Variants in ANAPC10 observed in about 807,000 individuals in gnomAD.
ANAPC10 encodes anaphase promoting complex subunit 10.
Under a neutral mutation model 22.0 loss-of-function variants are expected in ANAPC10, and 12 were observed. The observed-to-expected ratio is 0.55, with a 90% CI of 0.35 to 0.88. The LOEUF (loss-of-function observed/expected upper bound fraction) is 0.88. Ranked by LOEUF, ANAPC10 falls within the 40% of genes least tolerant of loss-of-function variation. The probability of loss-of-function intolerance (pLI) is 0.01; values close to 1 mark genes in which losing one functional copy is unlikely to be tolerated. For missense variants in ANAPC10, 188 were observed against 220.9 expected (o/e 0.85, Z 0.94); for synonymous variants, 65 against 69.5 (o/e 0.94, Z 0.32).
intron 4 of ANAPC10, among the ~76,000 whole-genome samples, chr4:144,999,070 A>C (rs928576762): frequency 6.6e-6 from 1 of 152,220 alleles, no homozygotes; most frequent in Non-Finnish European, 1.5e-5. Flanking sequence ...AGCCAGGAAG[A>C]AGTTGAATCC....
intron 4 of ANAPC10, among the ~76,000 whole-genome samples, chr4:145,034,530 T>C (rs1010349401): frequency 5.8e-5 from 8 of 137,698 alleles, no homozygotes; most frequent in Non-Finnish European, 1.1e-4. Flanking sequence ...CCTTTATATA[T>C]ATATATATAT....
At chr4:145,076,339 T>C (rs1356925035) in intron 3 of ANAPC10, among the ~76,000 whole-genome samples, 1 of 152,166 alleles carries the variant, frequency 6.6e-6, no homozygotes, top group Non-Finnish European at 1.5e-5. Context: ...GAGCTGAGCC[T>C]TGGTACCCTG....
At chr4:145,039,740 A>T (rs1453667384) in intron 4 of ANAPC10, among the ~76,000 whole-genome samples, 1 of 151,948 alleles carries the variant, frequency 6.6e-6, no homozygotes, top group African/African-American at 2.4e-5. Context: ...GACTACAGGC[A>T]CGCACCACCA....
chr4:145,073,256 G>C (rs1238713860), intron 3 of ANAPC10, among the ~76,000 whole-genome samples: 4 of 152,048 alleles, frequency 2.6e-5, no homozygotes, highest in African/African-American at 9.7e-5. Flanking sequence ...TAAAAATAAG[G>C]GGAAAATGCA....
intron 2 of ANAPC10, among the ~76,000 whole-genome samples, chr4:145,089,948 A>G (rs937909559): frequency 6.6e-6 from 1 of 152,148 alleles, no homozygotes; most frequent in African/African-American, 2.4e-5. Flanking sequence ...TTATCTATAC[A>G]GTAAAGTATG....
chr4:145,096,424 A>G (rs1748531493), intron 1 of ANAPC10, among the ~76,000 whole-genome samples: 1 of 152,106 alleles, frequency 6.6e-6, no homozygotes, highest in Non-Finnish European at 1.5e-5. Context: ...TTAGGAATTC[A>G]GGTTTTGTTT....
At chr4:145,076,254 C>G (rs541752994) in intron 3 of ANAPC10, among the ~76,000 whole-genome samples, 2 of 152,332 alleles carry the variant, frequency 1.3e-5, no homozygotes, top group South Asian at 4.1e-4. Context: ...AGTTGCTTAT[C>G]TTGAAGGGCC....
At chr4:145,080,095 CAGAG>C (rs924406965) in intron 3 of ANAPC10, among the ~76,000 whole-genome samples, 4 of 109,592 alleles carry the variant, frequency 3.6e-5, no homozygotes, top group African/African-American at 1.4e-4. Flanking sequence ...GCCTGGGCAA[CAGAG>C]AGAGACTCTG....
intron 3 of ANAPC10, among the ~76,000 whole-genome samples, chr4:145,067,894 A>G (rs1337661127): frequency 6.6e-6 from 1 of 152,254 alleles, no homozygotes; most frequent in African/African-American, 2.4e-5. Flanking sequence ...GATTTAAACA[A>G]AATGATGGTG....
In ANAPC10 at chr4:145,036,995, C is replaced by CGTGTGTGTGT. The variant is rs202100756; in HGVS notation, c.327+27567_327+27576dup. 2.2e-3 allele frequency among the ~76,000 whole-genome samples: 284 copies of CGTGTGTGTGT among 131,226 alleles called. 4 individuals are homozygous for CGTGTGTGTGT. The highest frequency in any genetic ancestry group is 4.4e-3 in the African/African-American group (151 of 34,558). The allele number at this position is 131,226 out of a possible 152,430, so 86.1% of individuals were successfully genotyped here. On this transcript the variant is annotated intron_variant, in intron 4 of 4. Transcript: ENST00000507656. ...TCTATTTCTTATACCAAATAGATAA[C>CGTGTGTGTGT]GTGTGTGTGTGTGTGTGTGTGTGTG...
intron 4 of ANAPC10, among the ~76,000 whole-genome samples, chr4:145,052,328 C>CGT (rs1741237300): frequency 6.6e-6 from 1 of 152,006 alleles, no homozygotes; most frequent in Admixed American, 6.6e-5. Context: ...AGTCAGTCTA[C>CGT]AATGTATAAA....
intron 4 of ANAPC10, among the ~76,000 whole-genome samples, chr4:145,019,817 C>T (rs563826532): frequency 1.2e-4 from 18 of 152,188 alleles, no homozygotes; most frequent in African/African-American, 3.6e-4. Flanking sequence ...TGTTTATGGG[C>T]ATAAACTTGA....
At chr4:145,019,572 C>CAGAAGAA (rs554640331) in intron 4 of ANAPC10, among the ~76,000 whole-genome samples, 147 of 152,038 alleles carry the variant, frequency 9.7e-4, no homozygotes, top group Middle Eastern at 3.4e-3. Context: ...CCAAACCCAG[C>CAGAAGAA]AGAAGAAAGG....
intron 4 of ANAPC10, among the ~76,000 whole-genome samples, chr4:145,038,237 GC>G (rs1281717862): frequency 6.6e-6 from 1 of 152,192 alleles, no homozygotes; most frequent in Non-Finnish European, 1.5e-5. Context: ...CTAGGGCCGG[GC>G]ATGGTGGTTC....
At chr4:145,094,616 C>T (rs1313062077) in intron 2 of ANAPC10, among the ~76,000 whole-genome samples, 1 of 152,096 alleles carries the variant, frequency 6.6e-6, no homozygotes. Flanking sequence ...AAGATGACTA[C>T]TAAACTAATA....
In ANAPC10 at chr4:144,994,646, C is replaced by T. The variant is rs969374825; in HGVS notation, c.*727G>A. On this transcript the variant is annotated 3_prime_UTR_variant, in exon 5 of 5. Coordinates refer to ENST00000507656, the MANE Select transcript of ANAPC10 (RefSeq NM_001256706.2). ...TACGATTTTATGGGATATATGACTG[C>T]CCAGGGAATGCTACAATGTCAGACA... 5 of 151,884 alleles carry T rather than the reference C, an allele frequency of 3.3e-5. No individual in the cohort carries two copies. The highest frequency in any genetic ancestry group is 1.2e-4 in the African/African-American group (5 of 41,368). 9.4% of individuals were successfully genotyped at this position (151,884 alleles called of 1,614,324 possible).
chr4:145,064,507 TG>T, intron 4 of ANAPC10, 64 bp downstream of exon 4: 1 of 1,341,936 alleles, frequency 7.5e-7, no homozygotes, highest in South Asian at 1.4e-5. Flanking sequence ...TAATGTCAAC[TG>T]TGACTATCTT....
intron 4 of ANAPC10, among the ~76,000 whole-genome samples, chr4:145,003,246 C>T (rs1444897803): frequency 6.6e-6 from 1 of 152,056 alleles, no homozygotes; most frequent in Non-Finnish European, 1.5e-5. Flanking sequence ...TTTGGAATTC[C>T]AAAATGTGAT....
At chr4:145,006,328 T>G (rs1733348570) in intron 4 of ANAPC10, among the ~76,000 whole-genome samples, 1 of 152,140 alleles carries the variant, frequency 6.6e-6, no homozygotes. Flanking sequence ...GGAATTTGTT[T>G]GGCAAACATA....
Sources: gnomAD v4.1 joint callset for allele counts (sites outside exome capture counted in the v4.1 genomes callset) on GRCh38, gnomAD v4.1.1 for gene constraint, MANE v1.5 for transcripts, NCBI Gene and HGNC (gene_info 2026-07-23, HGNC 2026-07-21) for gene names.